The following SYN2 variants were observed in gnomAD, a reference collection of about 807,000 sequenced individuals.
The protein encoded by SYN2 is synapsin-2.
SYN2 carries 19 observed loss-of-function variants against 50.9 expected under a neutral mutation model. The observed-to-expected ratio is 0.37, with a 90% CI of 0.26 to 0.55. SYN2 has a LOEUF of 0.55. Among genes scored for constraint, SYN2 ranks in the 20% least tolerant of loss-of-function variants. The probability of loss-of-function intolerance (pLI) is 0.81; values close to 1 mark genes in which losing one functional copy is unlikely to be tolerated. For missense variants in SYN2, 587 were observed against 576.4 expected (o/e 1.02, Z -0.19); for synonymous variants, 255 against 224.9 (o/e 1.13, Z -1.20).
intron 1 of SYN2, among the ~76,000 whole-genome samples, chr3:12,098,474 A>G (rs1169008092): frequency 2.6e-5 from 4 of 152,122 alleles, no homozygotes; most frequent in Admixed American, 6.5e-5. Flanking sequence ...TTTGTAAACT[A>G]TTGTAATTGG....
chr3:12,085,389 G>GCACA (rs1695680451), intron 1 of SYN2, among the ~76,000 whole-genome samples: 1 of 148,782 alleles, frequency 6.7e-6, no homozygotes, highest in South Asian at 2.1e-4. Flanking sequence ...ACGCACGCAC[G>GCACA]CACGCACTCG....
intron 1 of SYN2, among the ~76,000 whole-genome samples, chr3:12,110,047 G>A (rs1441006808): frequency 6.6e-6 from 1 of 152,058 alleles, no homozygotes; most frequent in African/African-American, 2.4e-5. Flanking sequence ...AGATTAGCTG[G>A]GTGTAGTGAT....
chr3:12,148,047 G>A (rs1697192875), intron 4 of SYN2, among the ~76,000 whole-genome samples: 1 of 152,106 alleles, frequency 6.6e-6, no homozygotes, highest in Non-Finnish European at 1.5e-5. Context: ...CCGGGAGGCG[G>A]AGCTTGCAAT....
At chr3:12,189,435 T>TG (rs1243505435) in intron 12 of SYN2, among the ~76,000 whole-genome samples, 1 of 152,198 alleles carries the variant, frequency 6.6e-6, no homozygotes, top group Non-Finnish European at 1.5e-5. Context: ...CTTTTGCCAC[T>TG]GGACACCCTG....
At chr3:12,089,368 A>G (rs148308004) in intron 1 of SYN2, among the ~76,000 whole-genome samples, 191 of 152,320 alleles carry the variant, frequency 1.3e-3, no homozygotes, top group African/African-American at 4.4e-3. Context: ...TGAGAATAGC[A>G]TGGGAAAGGC....
intron 1 of SYN2, among the ~76,000 whole-genome samples, chr3:12,099,826 G>A (rs563840393): frequency 5.9e-5 from 9 of 151,384 alleles, no homozygotes; most frequent in East Asian, 5.8e-4. Context: ...TTAGCCGGGC[G>A]TAGTGGCGGG....
chr3:12,041,441 A>G (rs1325546000), intron 1 of SYN2, among the ~76,000 whole-genome samples: 2 of 152,218 alleles, frequency 1.3e-5, no homozygotes, highest in South Asian at 2.1e-4. Context: ...CATGAGAAAT[A>G]TGAACTGGAA....
intron 1 of SYN2, among the ~76,000 whole-genome samples, chr3:12,092,688 A>G (rs1301549886): frequency 2.0e-5 from 3 of 152,186 alleles, no homozygotes; most frequent in African/African-American, 7.2e-5. Flanking sequence ...CTGGGGGTCA[A>G]AGACTGTGTT....
chr3:12,086,291 T>G (rs1273537191), intron 1 of SYN2, among the ~76,000 whole-genome samples: 2 of 152,056 alleles, frequency 1.3e-5, no homozygotes, highest in Non-Finnish European at 2.9e-5. Context: ...ACCAGATATT[T>G]AAAGAACTAA....
intron 1 of SYN2, among the ~76,000 whole-genome samples, chr3:12,116,750 A>T (rs140280462): frequency 6.6e-6 from 1 of 151,984 alleles, no homozygotes; most frequent in Non-Finnish European, 1.5e-5. Flanking sequence ...TACTTTATTT[A>T]TTTATTTTTG....
chr3:12,106,277 C>A (rs1225517411), intron 1 of SYN2, among the ~76,000 whole-genome samples: 1 of 152,166 alleles, frequency 6.6e-6, no homozygotes, highest in Non-Finnish European at 1.5e-5. Context: ...CTTCCGTCTC[C>A]AGCTGGAGAA....
chr3:12,111,563 G>A (rs1272665728), intron 1 of SYN2, among the ~76,000 whole-genome samples: 2 of 152,146 alleles, frequency 1.3e-5, no homozygotes, highest in African/African-American at 4.8e-5. Flanking sequence ...AAATTCCTAA[G>A]CACTCCTATT....
intron 1 of SYN2, among the ~76,000 whole-genome samples, chr3:12,103,250 A>G (rs1378288206): frequency 2.6e-5 from 4 of 152,178 alleles, no homozygotes; most frequent in South Asian, 2.1e-4. Flanking sequence ...AATTTATTAT[A>G]TAACAGAGCT....
intron 1 of SYN2, among the ~76,000 whole-genome samples, chr3:12,079,764 CT>C (rs1256256417): frequency 6.6e-6 from 1 of 151,952 alleles, no homozygotes; most frequent in African/African-American, 2.4e-5. Flanking sequence ...CTGAAGTTTT[CT>C]TTTTTTGTTG....
At chr3:12,008,300 G>T (rs1483844284) in intron 1 of SYN2, among the ~76,000 whole-genome samples, 1 of 152,086 alleles carries the variant, frequency 6.6e-6, no homozygotes, top group African/African-American at 2.4e-5. Flanking sequence ...GCAGATATAA[G>T]GCAACAGATA....
At chr3:12,068,058 C>CGAAT (rs541128758) in intron 1 of SYN2, among the ~76,000 whole-genome samples, 127 of 152,016 alleles carry the variant, frequency 8.4e-4, no homozygotes, top group Middle Eastern at 3.4e-3. Flanking sequence ...GACCTTGTCT[C>CGAAT]GAATGAATGA....
At chr3:12,126,221 G>A (rs1249590560) in intron 1 of SYN2, among the ~76,000 whole-genome samples, 6 of 152,158 alleles carry the variant, frequency 3.9e-5, no homozygotes, top group Admixed American at 1.3e-4. Flanking sequence ...CAAATGATGT[G>A]CTTCATAGAT....
chr3:12,012,663 C>G (rs1428208729), intron 1 of SYN2, among the ~76,000 whole-genome samples: 20 of 152,166 alleles, frequency 1.3e-4, no homozygotes, highest in Admixed American at 1.2e-3. Flanking sequence ...TTGGAATGCT[C>G]TTGTCCTGGT....
At chr3:12,161,312 T>C (rs886599797) in intron 5 of SYN2, among the ~76,000 whole-genome samples, 8 of 152,204 alleles carry the variant, frequency 5.3e-5, no homozygotes, top group African/African-American at 1.9e-4. Context: ...TTTAAAGATG[T>C]AGGGTATACC....
Sources: allele counts gnomAD v4.1 joint callset (sites outside exome capture counted in the v4.1 genomes callset), GRCh38; gene constraint gnomAD v4.1.1; transcripts MANE v1.5; gene names NCBI Gene and HGNC (gene_info 2026-07-23, HGNC 2026-07-21).